Variants in LRRTM4 observed in about 807,000 individuals in gnomAD.
LRRTM4 encodes the protein leucine rich repeat transmembrane neuronal 4, also known as leucine-rich repeat transmembrane neuronal protein 4.
A neutral mutation model predicts 47.6 loss-of-function variants in LRRTM4; 25 were observed. That is an observed-to-expected ratio of 0.53 (90% CI 0.38 to 0.73). LRRTM4 has a LOEUF of 0.73. Ranked by LOEUF, LRRTM4 falls within the 30% of genes least tolerant of loss-of-function variation. LRRTM4 has a pLI of 0.00. For missense variants in LRRTM4, 638 were observed against 713.4 expected (o/e 0.89, Z 1.20); for synonymous variants, 311 against 269.5 (o/e 1.15, Z -1.51).
At chr2:77,103,861 A>C (rs1352542341) in intron 3 of LRRTM4, among the ~76,000 whole-genome samples, 1 of 152,048 alleles carries the variant, frequency 6.6e-6, no homozygotes, top group Non-Finnish European at 1.5e-5. Context: ...AGGCATTCTC[A>C]CCAAGAAGAA....
rs1306118398 is a variant in LRRTM4 at position 76,873,480 on chromosome 2, ATATGTG to A, written c.1552-124570_1552-124565del. 2.1e-3 allele frequency among the ~76,000 whole-genome samples: 290 copies of A among 135,306 alleles called. 4 individuals carry two copies. The highest frequency in any genetic ancestry group is 8.1e-3 in the African/African-American group (281 of 34,776). 88.8% of individuals were successfully genotyped at this position (135,306 alleles called of 152,430 possible). A position where few individuals can be genotyped will look rare whatever the true frequency, so the allele number is the denominator to read the frequency against. On this transcript the variant is annotated intron_variant, in intron 3 of 3. Transcript: ENST00000409884. ...ATATAACGTGTGTGTGTGTATATAT[ATATGTG>A]TGTGTGTATATATATGTGTGTATAT...
In LRRTM4 at chr2:77,056,065, A is replaced by T. The variant is rs867802905; in HGVS notation, c.1552-307149T>A. Among the ~76,000 whole-genome samples the T allele has an allele frequency of 2.0e-5, 3 of 146,970 alleles. 1 individual carries two copies. Among genetic ancestry groups the T allele is most frequent in the African/African-American group, 7.5e-5 (3 of 39,904 alleles). On this transcript the variant is annotated intron_variant, in intron 3 of 3. Transcript: ENST00000409884. ...TGGGGTGGGGGGAGGGGGGAGGGATAGCTTTAGGAGATATACCTAATGCTA... is the reference window on the plus strand; with the variant it reads ...TGGGGTGGGGGGAGGGGGGAGGGATTGCTTTAGGAGATATACCTAATGCTA...
intron 3 of LRRTM4, among the ~76,000 whole-genome samples, chr2:77,250,712 C>T (rs532083304): frequency 6.6e-6 from 1 of 152,300 alleles, no homozygotes; most frequent in Admixed American, 6.5e-5. Flanking sequence ...TTCTCTTTCT[C>T]TCCAATATTC....
In LRRTM4 at chr2:76,874,473, T is replaced by G. The variant is rs1672723795; in HGVS notation, c.1552-125557A>C. Among the ~76,000 whole-genome samples, 3 of 151,970 alleles carry G rather than the reference T, an allele frequency of 2.0e-5. No homozygotes were observed. In the South Asian group the frequency reaches 6.2e-4, roughly 31 times the overall value. On this transcript the variant is annotated intron_variant, in intron 3 of 3. Coordinates refer to ENST00000409884, the MANE Select transcript of LRRTM4 (RefSeq NM_001134745.3). ...CGGAAATATTCAGTAATTGAATAAC[T>G]GGGGTGAATGAGTGGTCTGATTTTA...
At chr2:77,493,005 A>G (rs565764109) in intron 3 of LRRTM4, among the ~76,000 whole-genome samples, 2 of 152,274 alleles carry the variant, frequency 1.3e-5, no homozygotes, top group South Asian at 4.1e-4. Context: ...AGTCTTATAA[A>G]TCAATACATA....
At chr2:77,319,674 T>C (rs1677730165) in intron 3 of LRRTM4, among the ~76,000 whole-genome samples, 1 of 152,216 alleles carries the variant, frequency 6.6e-6, no homozygotes, top group South Asian at 2.1e-4. Flanking sequence ...TTACACAATT[T>C]CTCAAATAGG....
chr2:77,161,925 T>C (rs1287626954), intron 3 of LRRTM4, among the ~76,000 whole-genome samples: 1 of 152,178 alleles, frequency 6.6e-6, no homozygotes, highest in Non-Finnish European at 1.5e-5. Flanking sequence ...GATGGCTGAA[T>C]AGGAATAGCT....
At chr2:77,212,702 A>G (rs567330722) in intron 3 of LRRTM4, among the ~76,000 whole-genome samples, 241 of 152,130 alleles carry the variant, frequency 1.6e-3, no homozygotes, top group African/African-American at 5.4e-3. Context: ...TTTATTTGAA[A>G]TTATTTGCTC....
intron 3 of LRRTM4, among the ~76,000 whole-genome samples, chr2:77,190,770 A>G (rs1237746890): frequency 6.6e-6 from 1 of 152,216 alleles, no homozygotes; most frequent in Non-Finnish European, 1.5e-5. Context: ...GTAAATGCAT[A>G]CAAAGCAAAC....
At chr2:77,497,768 C>T (rs1678419691) in intron 3 of LRRTM4, among the ~76,000 whole-genome samples, 1 of 151,098 alleles carries the variant, frequency 6.6e-6, no homozygotes, top group Admixed American at 6.6e-5. Context: ...ACATTCTATT[C>T]TAGGCTCAAG....
At chr2:77,144,094 A>G (rs1266915305) in intron 3 of LRRTM4, among the ~76,000 whole-genome samples, 1 of 152,122 alleles carries the variant, frequency 6.6e-6, no homozygotes, top group African/African-American at 2.4e-5. Flanking sequence ...ATGAAGGCCC[A>G]ATTATGACTT....
At chr2:76,833,743 A>T (rs1671424388) in intron 3 of LRRTM4, among the ~76,000 whole-genome samples, 1 of 151,872 alleles carries the variant, frequency 6.6e-6, no homozygotes, top group Non-Finnish European at 1.5e-5. Context: ...TCAATGTAAA[A>T]CATGTGAAAA....
At chr2:77,340,373 A>G (rs746521871) in intron 3 of LRRTM4, among the ~76,000 whole-genome samples, 23 of 151,960 alleles carry the variant, frequency 1.5e-4, no homozygotes, top group South Asian at 4.1e-4. Flanking sequence ...TGGCATAATA[A>G]TAGAATCTGT....
intron 3 of LRRTM4, chr2:76,987,264 C>T (rs1186995022): frequency 6.6e-6 from 1 of 151,828 alleles, no homozygotes; most frequent in South Asian, 2.1e-4. Flanking sequence ...GCACTTATAA[C>T]ATGCAAGGAA....
chr2:77,143,175 A>T (rs561893724), intron 3 of LRRTM4, among the ~76,000 whole-genome samples: 1 of 152,190 alleles, frequency 6.6e-6, no homozygotes, highest in Non-Finnish European at 1.5e-5. Context: ...TCCATTTTAC[A>T]GTTGGACATC....
chr2:77,150,048 G>A (rs2103782521), intron 3 of LRRTM4, among the ~76,000 whole-genome samples: 1 of 152,098 alleles, frequency 6.6e-6, no homozygotes, highest in African/African-American at 2.4e-5. Flanking sequence ...CTGACTCTTG[G>A]AAGTTATCTA....
intron 3 of LRRTM4, among the ~76,000 whole-genome samples, chr2:77,387,684 G>T (rs1416417641): frequency 7.2e-5 from 11 of 152,072 alleles, no homozygotes. Flanking sequence ...TTGTCAGCTT[G>T]CATGCAGGCT....
chr2:76,835,520 T>G (rs1421086086), intron 3 of LRRTM4, among the ~76,000 whole-genome samples: 1 of 152,100 alleles, frequency 6.6e-6, no homozygotes, highest in African/African-American at 2.4e-5. Flanking sequence ...GTCATTTATA[T>G]TATTTTAGAG....
At chr2:77,040,157 T>C in intron 3 of LRRTM4, among the ~76,000 whole-genome samples, 1 of 151,246 alleles carries the variant, frequency 6.6e-6, no homozygotes, top group East Asian at 1.9e-4. Flanking sequence ...CATATAAAAC[T>C]ATTGAGATTT....
Sources: allele counts gnomAD v4.1 joint callset (sites outside exome capture counted in the v4.1 genomes callset), GRCh38; gene constraint gnomAD v4.1.1; transcripts MANE v1.5; gene names NCBI Gene and HGNC (gene_info 2026-07-23, HGNC 2026-07-21).